The following ANKH variants were observed in gnomAD, a reference collection of about 807,000 sequenced individuals.
ANKH encodes the protein ANKH inorganic pyrophosphate transport regulator, also known as mineralization regulator ANKH.
ANKH carries 15 observed loss-of-function variants against 49.0 expected under a neutral mutation model. That is an observed-to-expected ratio of 0.31 (90% confidence interval 0.20 to 0.47). The LOEUF (loss-of-function observed/expected upper bound fraction) is 0.47, where lower values mean the gene tolerates loss of function less well. Among genes scored for constraint, ANKH ranks in the 20% least tolerant of loss-of-function variants. The pLI is 1.00. For missense variants in ANKH, 429 were observed against 652.0 expected, an observed-to-expected ratio of 0.66 and a Z score of 3.72; for synonymous variants, 273 against 260.0, an observed-to-expected ratio of 1.05 and a Z score of -0.48.
In ANKH at chr5:14,775,165, C is replaced by T. The variant is rs559883779; in HGVS notation, c.97-5974G>A. Among the ~76,000 whole-genome samples the T allele has an allele frequency of 2.4e-4, 37 of 152,004 alleles. No individual in the cohort carries two copies. In the South Asian group the frequency reaches 7.7e-3, roughly 32 times the overall value. ...CCTCAACCTCCTGAGCTCAAGTGAT[C>T]CTCCTGCCTCAGCCTCCTGAGTGGC... On this transcript the variant is annotated intron_variant, in intron 1 of 11. Transcript: ENST00000284268.
rs958859730 is a variant in ANKH at position 14,706,788 on chromosome 5, A to C, written c.*4409T>G. 1 of 152,200 alleles carries C rather than the reference A, an allele frequency of 6.6e-6. No homozygotes were observed. Among genetic ancestry groups the C allele is most frequent in the Non-Finnish European group, 1.5e-5 (1 of 68,028 alleles). 9.4% of individuals were successfully genotyped at this position (152,200 alleles called of 1,614,324 possible). ...GCTTCAATGACAGAAATAGAGATTCAAAATAACCACACAGAGGAGTATCCC... is the reference window on the plus strand; with the variant it reads ...GCTTCAATGACAGAAATAGAGATTCCAAATAACCACACAGAGGAGTATCCC... On this transcript the variant is annotated 3_prime_UTR_variant, in exon 12 of 12. Transcript: ENST00000284268.
intron 1 of ANKH, among the ~76,000 whole-genome samples, chr5:14,854,343 C>T (rs1049001189): frequency 6.6e-6 from 1 of 152,196 alleles, no homozygotes; most frequent in Non-Finnish European, 1.5e-5. Flanking sequence ...ATTAACACGA[C>T]TGAAACAGAA....
At chr5:14,852,180 G>A (rs1742139152) in intron 1 of ANKH, among the ~76,000 whole-genome samples, 1 of 152,204 alleles carries the variant, frequency 6.6e-6, no homozygotes, top group Non-Finnish European at 1.5e-5. Context: ...TACCTGGGAG[G>A]CCAAGGCAGG....
At position 14,848,528 on chromosome 5, in the gene ANKH, G is replaced by C. The variant is rs187802957; in HGVS notation, c.96+22824C>G. On this transcript the variant is annotated intron_variant, in intron 1 of 11. Coordinates refer to ENST00000284268, the MANE Select transcript of ANKH (RefSeq NM_054027.6). ...CGAGCTGAGCTTTTGCTCGCCGTCC[G>C]GCACTGATCACCGCCATCGCAGACC... Among the ~76,000 whole-genome samples the C allele has an allele frequency of 1.4e-4, 22 of 152,224 alleles. No individual in the cohort carries two copies. In the East Asian group the frequency reaches 4.3e-3, roughly 29 times the overall value.
chr5:14,713,451 G>A lies in ANKH; in HGVS notation c.1265+93C>T. On this transcript the variant is annotated intron_variant, in intron 10 of 11. Coordinates refer to ENST00000284268, the MANE Select transcript of ANKH (RefSeq NM_054027.6). The surrounding 1 kb of genome is among the most constrained non-coding windows in gnomAD (Gnocchi z 4.4). Reference sequence around the variant, plus strand: ...TGAATTTCCGATTCTAGACGTGCCTGGGGATTTCCCCTGAAAATGTAGCTG... The same window carrying A: ...TGAATTTCCGATTCTAGACGTGCCTAGGGATTTCCCCTGAAAATGTAGCTG... 1.3e-6 allele frequency: 2 copies of A among 1,532,180 alleles called. No homozygotes were observed. The highest frequency in any genetic ancestry group is 1.8e-6 in the Non-Finnish European group (2 of 1,120,460). The allele number at this position is 1,532,180 out of a possible 1,614,324, so 94.9% of individuals were successfully genotyped here.
chr5:14,866,169 G>A (rs962249905), intron 1 of ANKH, among the ~76,000 whole-genome samples: 1 of 152,096 alleles, frequency 6.6e-6, no homozygotes, highest in East Asian at 1.9e-4. Flanking sequence ...ATCATGCCCC[G>A]CTAATTTTGT....
chr5:14,863,403 CTA>C (rs1735557325), intron 1 of ANKH, among the ~76,000 whole-genome samples: 1 of 152,046 alleles, frequency 6.6e-6, no homozygotes, highest in Non-Finnish European at 1.5e-5. Context: ...TCCAAAGATG[CTA>C]TGTTATGATT....
intron 1 of ANKH, among the ~76,000 whole-genome samples, chr5:14,843,958 C>T (rs1741887793): frequency 1.3e-5 from 2 of 152,104 alleles, no homozygotes; most frequent in African/African-American, 4.8e-5. Flanking sequence ...TTAGTGGACA[C>T]CACATTTTTC....
intron 1 of ANKH, among the ~76,000 whole-genome samples, chr5:14,844,609 ATT>A (rs1318618485): frequency 6.6e-6 from 1 of 152,006 alleles, no homozygotes; most frequent in East Asian, 1.9e-4. Context: ...AGAACCTTCT[ATT>A]TTCTTGATCT....
chr5:14,793,904 G>A (rs1366619727), intron 1 of ANKH, among the ~76,000 whole-genome samples: 3 of 152,302 alleles, frequency 2.0e-5, no homozygotes, highest in South Asian at 2.1e-4. Context: ...TGGGGCGACC[G>A]CCCACTGGGA....
intron 8 of ANKH, among the ~76,000 whole-genome samples, chr5:14,739,239 A>C (rs1738278938): frequency 6.6e-6 from 1 of 152,156 alleles, no homozygotes; most frequent in Non-Finnish European, 1.5e-5. Context: ...CGATATAGTG[A>C]AACCCCATCT....
chr5:14,729,423 G>C (rs943859010), intron 8 of ANKH, among the ~76,000 whole-genome samples: 5 of 151,492 alleles, frequency 3.3e-5, no homozygotes, highest in Non-Finnish European at 7.4e-5. Flanking sequence ...CCTGACCTCA[G>C]GTAATCTGCC....
At position 14,755,993 on chromosome 5, in the gene ANKH, C is replaced by T. The variant is rs1190570281; in HGVS notation, c.433-49G>A. 4 of 1,519,188 alleles carry T rather than the reference C, an allele frequency of 2.6e-6. No homozygotes were observed. In the South Asian group the frequency reaches 4.5e-5, roughly 17 times the overall value. The allele number at this position is 1,519,188 out of a possible 1,614,324, so 94.1% of individuals were successfully genotyped here. A position where few individuals can be genotyped will look rare whatever the true frequency, so the allele number is the denominator to read the frequency against. ...CATGAGATACACCTTCAGGATTATG[C>T]TGTTTCTGGTTGTTGAGATTTACTG... is the stretch of plus-strand genomic sequence containing the variant. On this transcript the variant is annotated intron_variant, in intron 3 of 11. Transcript: ENST00000284268.
intron 2 of ANKH, chr5:14,768,530 T>C (rs772343353): frequency 1.8e-5 from 4 of 218,494 alleles, no homozygotes; most frequent in Non-Finnish European, 3.7e-5. Flanking sequence ...TTGAATAAAA[T>C]AGAATAAGAT....
In ANKH at chr5:14,792,911, A is replaced by G. The variant is rs182509993; in HGVS notation, c.97-23720T>C. On this transcript the variant is annotated intron_variant, in intron 1 of 11. Transcript: ENST00000284268. Reference sequence around the variant, plus strand: ...AGAATCGCTTGAACCTGGGAGTTGCAGGTTGCAGTGAGCCGAGATTATGCC... The same window carrying G: ...AGAATCGCTTGAACCTGGGAGTTGCGGGTTGCAGTGAGCCGAGATTATGCC... Among the ~76,000 whole-genome samples, 156 of 148,016 alleles carry G rather than the reference A, an allele frequency of 1.1e-3. 2 individuals are homozygous for G. Among genetic ancestry groups the G allele is most frequent in the Admixed American group, 0.01 (145 of 14,488 alleles).
rs6895129 is a variant in ANKH at position 14,746,174 on chromosome 5, C to T, written c.823-212G>A. ...CTAGGGGCAGGTACTCTGCCTCATC[C>T]CTGGGAGTGCAATGAGCCAGCCAAC... On this transcript the variant is annotated intron_variant, in intron 6 of 11. Transcript: ENST00000284268. Among the ~76,000 whole-genome samples, 48,071 of 151,778 alleles carry T rather than the reference C, an allele frequency of 0.32. 8,698 individuals are homozygous for T. The highest frequency in any genetic ancestry group is 0.51 in the African/African-American group (20,877 of 41,300).
In ANKH at chr5:14,751,150, A is replaced by C. The variant is rs1561038002; in HGVS notation, c.606T>G (p.Leu202=). The change falls in exon 5 of 12, where the codon CTT becomes CTG. Residue 202 remains leucine (L), a synonymous_variant. Transcript: ENST00000284268. ...IPILSLYMGA[L]VRCTTLCLGY... Reference sequence around the variant, plus strand: ...CCAGGCACAGGGTGGTGCAGCGCACAAGTGCGCCCATGTACAAGGAGAGGA... The same window carrying C: ...CCAGGCACAGGGTGGTGCAGCGCACCAGTGCGCCCATGTACAAGGAGAGGA... 1 of 1,614,130 alleles carries C rather than the reference A, an allele frequency of 6.2e-7. No individual in the cohort carries two copies. Among genetic ancestry groups the C allele is most frequent in the East Asian group, 2.2e-5 (1 of 44,894 alleles).
chr5:14,753,397 G>T (rs1008149627), intron 4 of ANKH, among the ~76,000 whole-genome samples: 1 of 152,212 alleles, frequency 6.6e-6, no homozygotes, highest in African/African-American at 2.4e-5. Context: ...CATAAGGTTG[G>T]TTCAGAGGAA....
chr5:14,803,342 C>T (rs911107980), intron 1 of ANKH, among the ~76,000 whole-genome samples: 5 of 152,108 alleles, frequency 3.3e-5, no homozygotes, highest in African/African-American at 7.2e-5. Flanking sequence ...TGCAGTGGTG[C>T]GATCTCAGCT....
Sources: allele counts gnomAD v4.1 joint callset (sites outside exome capture counted in the v4.1 genomes callset), GRCh38; gene constraint gnomAD v4.1.1; non-coding constraint Gnocchi (gnomAD v3.1); transcripts MANE v1.5; gene names NCBI Gene and HGNC (gene_info 2026-07-23, HGNC 2026-07-21).